RABGAP1: variants seen among roughly 807,000 people sequenced by gnomAD.
RABGAP1 encodes RAB GTPase activating protein 1.
A neutral mutation model predicts 137.6 loss-of-function variants in RABGAP1; 23 were observed. The ratio of observed to expected loss-of-function variants is 0.17; its 90% CI spans 0.12 to 0.24. The LOEUF (loss-of-function observed/expected upper bound fraction) is 0.24, where lower values mean the gene tolerates loss of function less well. Among genes scored for constraint, RABGAP1 ranks in the 10% least tolerant of loss-of-function variants. RABGAP1 has a pLI of 1.00. For missense variants in RABGAP1, 906 were observed against 1,275.8 expected (o/e 0.71, Z 4.42); for synonymous variants, 451 against 450.7 (o/e 1.00, Z -0.01).
intron 2 of RABGAP1, among the ~76,000 whole-genome samples, chr9:122,977,848 G>T (rs1835844362): frequency 6.6e-6 from 1 of 152,178 alleles, no homozygotes; most frequent in South Asian, 2.1e-4. Flanking sequence ...GTTTGTTGTT[G>T]GGAGTAGATA....
chr9:122,974,286 G>A (rs990965600), intron 2 of RABGAP1, among the ~76,000 whole-genome samples: 1 of 152,086 alleles, frequency 6.6e-6, no homozygotes, highest in Non-Finnish European at 1.5e-5. Context: ...AGAGTGCCCT[G>A]TACAAACAAG....
chr9:123,078,455 AG>A (rs1183016075), intron 19 of RABGAP1, among the ~76,000 whole-genome samples: 1 of 152,142 alleles, frequency 6.6e-6, no homozygotes, highest in Non-Finnish European at 1.5e-5. Flanking sequence ...GTAGTTAGTA[AG>A]GGTCCAAGAA....
intron 13 of RABGAP1, among the ~76,000 whole-genome samples, chr9:123,026,991 T>C (rs891504466): frequency 1.3e-5 from 2 of 152,254 alleles, no homozygotes; most frequent in African/African-American, 4.8e-5. Context: ...CTTAAACTTA[T>C]CTGCATCATT....
chr9:123,032,943 GT>G (rs1379259205), intron 13 of RABGAP1, among the ~76,000 whole-genome samples: 1 of 152,158 alleles, frequency 6.6e-6, no homozygotes, highest in African/African-American at 2.4e-5. Flanking sequence ...TCTATCTTCT[GT>G]TTGTATTCTT....
chr9:122,996,225 G>C (rs1340032201), intron 7 of RABGAP1, 74 bp downstream of exon 7: 3 of 1,492,772 alleles, frequency 2.0e-6, no homozygotes, highest in East Asian at 4.8e-5. Flanking sequence ...GTTTTACACT[G>C]TATTAAAAAA....
chr9:123,041,715 A>G (rs2032961433), intron 13 of RABGAP1, among the ~76,000 whole-genome samples: 1 of 152,234 alleles, frequency 6.6e-6, no homozygotes, highest in Non-Finnish European at 1.5e-5. Flanking sequence ...CGGAATCAAC[A>G]GAGCTGCTTT....
chr9:122,981,483 T>C (rs531112810), intron 2 of RABGAP1, among the ~76,000 whole-genome samples: 1 of 152,218 alleles, frequency 6.6e-6, no homozygotes, highest in Non-Finnish European at 1.5e-5. Context: ...TCAAAAATCA[T>C]TAATCTAAGA....
chr9:123,026,005 CT>C (rs59188440), intron 13 of RABGAP1, among the ~76,000 whole-genome samples: 75,920 of 117,052 alleles, frequency 0.65, 23,404 homozygotes, highest in Middle Eastern at 0.81. Context: ...AAAACATATT[CT>C]TTTTTTTTTT....
At chr9:122,942,183 C>A (rs1419726716) in intron 1 of RABGAP1, among the ~76,000 whole-genome samples, 19 of 151,350 alleles carry the variant, frequency 1.3e-4, no homozygotes, top group African/African-American at 4.4e-4. Context: ...CAAAACAAAA[C>A]AAAAAAACAA....
At chr9:123,021,396 T>C (rs2031629534) in intron 13 of RABGAP1, among the ~76,000 whole-genome samples, 1 of 146,512 alleles carries the variant, frequency 6.8e-6, no homozygotes, top group Non-Finnish European at 1.5e-5. Flanking sequence ...TGATCTAGGC[T>C]CACCGCAACC....
chr9:123,089,028 G>T (rs1345538359), intron 19 of RABGAP1, among the ~76,000 whole-genome samples: 2 of 152,172 alleles, frequency 1.3e-5, no homozygotes, highest in Non-Finnish European at 2.9e-5. Flanking sequence ...AGCAATGGAG[G>T]TGAAGATATA....
chr9:122,990,416 A>G (rs1369321877), intron 6 of RABGAP1: 2 of 375,324 alleles, frequency 5.3e-6, no homozygotes, highest in Non-Finnish European at 9.3e-6. Flanking sequence ...AAATTGTCAT[A>G]TTGGGAACAT....
chr9:123,035,310 G>T (rs1348461073), intron 13 of RABGAP1: 2 of 1,614,042 alleles, frequency 1.2e-6, no homozygotes, highest in African/African-American at 2.7e-5. Context: ...GTCCTGATAA[G>T]CGCTATGCCA....
intron 19 of RABGAP1, among the ~76,000 whole-genome samples, chr9:123,079,488 C>A (rs1042057384): frequency 6.6e-6 from 1 of 152,082 alleles, no homozygotes; most frequent in African/African-American, 2.4e-5. Flanking sequence ...GTCCACCCCC[C>A]TCAGCCTCCC....
chr9:122,961,105 T>A (rs1408440830), intron 2 of RABGAP1, among the ~76,000 whole-genome samples: 2 of 151,820 alleles, frequency 1.3e-5, no homozygotes, highest in Non-Finnish European at 2.9e-5. Flanking sequence ...AGAAAAAAAA[T>A]TTTAAGTAAT....
chr9:123,090,220 T>C, intron 20 of RABGAP1, 55 bp from the exon 21 acceptor site: 1 of 1,400,936 alleles, frequency 7.1e-7, no homozygotes, highest in Non-Finnish European at 9.8e-7. Context: ...CCTGAGAAAT[T>C]TTCATTTCCA....
intron 2 of RABGAP1, among the ~76,000 whole-genome samples, chr9:122,978,724 A>G (rs1835893438): frequency 6.6e-6 from 1 of 152,166 alleles, no homozygotes; most frequent in Admixed American, 6.5e-5. Context: ...TCATATGGTA[A>G]GTGTAATGTT....
intron 2 of RABGAP1, among the ~76,000 whole-genome samples, chr9:122,975,977 A>G (rs560317337): frequency 2.6e-4 from 39 of 152,312 alleles, no homozygotes; most frequent in Middle Eastern, 3.4e-3. Context: ...GTTCAGTTGC[A>G]TAGGCTTTGC....
rs1417115510 is a variant in RABGAP1, at chr9:123,076,776, G to A, written c.2424+14G>A. 6.4e-7 allele frequency: 1 copy of A among 1,560,010 alleles called. No individual in the cohort carries two copies. The highest frequency in any genetic ancestry group is 8.7e-7 in the Non-Finnish European group (1 of 1,153,274). ...TGCAACATGAAGGTAAAATAATTTT[G>A]CATTAGTTAAGATTCTGTTTTTCAC... On this transcript the variant is annotated intron_variant, in intron 19 of 25. Coordinates refer to ENST00000373647, the MANE Select transcript of RABGAP1 (RefSeq NM_012197.4).
Sources: allele counts gnomAD v4.1 joint callset (sites outside exome capture counted in the v4.1 genomes callset), GRCh38; gene constraint gnomAD v4.1.1; transcripts MANE v1.5; gene names NCBI Gene and HGNC (gene_info 2026-07-23, HGNC 2026-07-21).